Variants in ZCWPW1 observed in about 807,000 individuals in gnomAD.
ZCWPW1 encodes the protein zinc finger CW-type PWWP domain protein 1.
Under a neutral mutation model 81.3 loss-of-function variants are expected in ZCWPW1, and 56 were observed. The ratio of observed to expected loss-of-function variants is 0.69; its 90% CI spans 0.56 to 0.86. The LOEUF (loss-of-function observed/expected upper bound fraction) is 0.86. ZCWPW1 is among the 40% of genes least tolerant of loss of function. The pLI is 0.00. For missense variants in ZCWPW1, 650 were observed against 769.8 expected (o/e 0.84, Z 1.84); for synonymous variants, 250 against 273.7 (o/e 0.91, Z 0.86).
chr7:100,402,685 G>C (rs564632296), intron 15 of ZCWPW1, 109 bp from the exon 16 acceptor site: 14 of 1,076,870 alleles, frequency 1.3e-5, no homozygotes, highest in Non-Finnish European at 2.9e-6. Flanking sequence ...AATCAAAGTA[G>C]CTTCTGTGAG....
rs774508382 is a variant in ZCWPW1 at position 100,401,198 on chromosome 7, T to C, written c.1766A>G (p.Glu589Gly). Residue 589 changes from glutamate (E) to glycine (G), a missense_variant, in exon 18 of 18, where the codon GAG becomes GGG. Glu to Gly is a moderately conservative substitution (Grantham distance 98, BLOSUM62 -2). Transcript: ENST00000684423. ...KGACPSSAKE[E>G]PRHREPLTQE... is the part of the protein sequence containing the mutation. ...GGTCAGGGGTTCCCGGTGTCTGGGC[T>C]CTTCTTTCGCAGATGAGGGGCAGGC... The C allele has an allele frequency of 1.2e-6, 2 of 1,614,220 alleles. No homozygotes were observed. The highest frequency in any genetic ancestry group is 1.7e-6 in the Non-Finnish European group (2 of 1,180,022).
intron 6 of ZCWPW1, 90 bp downstream of exon 6, chr7:100,416,976 T>C (rs1795371521): frequency 2.1e-6 from 2 of 947,982 alleles, no homozygotes; most frequent in Middle Eastern, 5.9e-4. Context: ...ATATGATAAA[T>C]GACCAGATAG....
chr7:100,401,740 G>C, intron 17 of ZCWPW1, 149 bp downstream of exon 17: 1 of 1,037,012 alleles, frequency 9.6e-7, no homozygotes. Context: ...AGTGTGTGCT[G>C]GGTGCAGTCC....
At position 100,419,730 on chromosome 7, in the gene ZCWPW1, T is replaced by C; in HGVS notation, c.182A>G (p.Lys61Arg). The C allele has an allele frequency of 6.2e-7, 1 of 1,614,152 alleles. No homozygotes were observed. Among genetic ancestry groups the C allele is most frequent in the East Asian group, 2.2e-5 (1 of 44,874 alleles). ...CATGGTTGCTTTTTCCTCTTTCTTC[T>C]TTAAACTGGCCTTTGGCAGGCTTAT... ...ARISLPKASL[K>R]KKEEKATMKN... The change falls in exon 4 of 18, where the codon AAG becomes AGG. Residue 61 changes from lysine to arginine, a missense_variant. Coordinates refer to ENST00000684423, the MANE Select transcript of ZCWPW1 (RefSeq NM_001386010.1).
chr7:100,424,905 A>C (rs1797031967), intron 2 of ZCWPW1, 125 bp downstream of exon 2: 1 of 152,232 alleles, frequency 6.6e-6, no homozygotes, highest in Non-Finnish European at 1.5e-5. Context: ...CCAACTAGAT[A>C]GAATTGTGGT....
Position 100,407,267 on chromosome 7 carries a change from C to G in ZCWPW1, c.1029G>C (p.Gly343=), listed in dbSNP as rs1172476967. 3 of 1,613,832 alleles carry G rather than the reference C, an allele frequency of 1.9e-6. No individual in the cohort carries two copies. Among genetic ancestry groups the G allele is most frequent in the Non-Finnish European group, 2.5e-6 (3 of 1,179,938 alleles). The change falls in exon 11 of 18, where the codon GGG becomes GGC. Residue 343 remains glycine (G), a synonymous_variant. Coordinates refer to ENST00000684423, the MANE Select transcript of ZCWPW1 (RefSeq NM_001386010.1). ...GATGGGAAGTAAAAAGAAAATATTC[C>G]CCTAAGTCAGGATCAGATTCTATCA... ...PGMIESDPDL[G]EYFLFTSHLD...
At chr7:100,409,115 ATATATCC>A (rs1313358660) in intron 9 of ZCWPW1, among the ~76,000 whole-genome samples, 2 of 152,206 alleles carry the variant, frequency 1.3e-5, no homozygotes, top group Non-Finnish European at 2.9e-5. Context: ...GTTTTCCCCG[ATATATCC>A]TATATCCCTC....
At chr7:100,424,137 G>A (rs1278484480) in intron 2 of ZCWPW1, among the ~76,000 whole-genome samples, 5 of 150,266 alleles carry the variant, frequency 3.3e-5, no homozygotes, top group African/African-American at 1.2e-4. Flanking sequence ...GACCACAAAT[G>A]ACAAATATAT....
In ZCWPW1 at chr7:100,401,286, A is replaced by G. The variant is rs750791938; in HGVS notation, c.1678T>C (p.Phe560Leu). The change falls in exon 18 of 18, where the codon TTT becomes CTT. Residue 560 changes from phenylalanine to leucine, a missense_variant. Coordinates refer to ENST00000684423, the MANE Select transcript of ZCWPW1 (RefSeq NM_001386010.1). ...APQSKALAAS[F>L]SEGKEVRTVP... Reference sequence around the variant, plus strand: ...GTTCTAACTTCTTTTCCCTCTGAAAAGCTGGCTGCCAAGGCCTTGCTCTGG... The same window carrying G: ...GTTCTAACTTCTTTTCCCTCTGAAAGGCTGGCTGCCAAGGCCTTGCTCTGG... 3 of 1,600,856 alleles carry G rather than the reference A, an allele frequency of 1.9e-6. No homozygotes were observed. The highest frequency in any genetic ancestry group is 2.6e-6 in the Non-Finnish European group (3 of 1,172,614).
intron 14 of ZCWPW1, among the ~76,000 whole-genome samples, 155 bp from the exon 15 acceptor site, chr7:100,403,940 A>G (rs1792446763): frequency 2.0e-5 from 3 of 152,102 alleles, no homozygotes; most frequent in Admixed American, 2.0e-4. Context: ...CACCCTTTTC[A>G]AAGTCCATCA....
At position 100,419,740 on chromosome 7, in the gene ZCWPW1, C is replaced by G. The variant is rs200020996; in HGVS notation, c.172G>C (p.Ala58Pro). The change falls in exon 4 of 18, where the codon GCC becomes CCC. Residue 58 changes from alanine to proline, a missense_variant. Ala to Pro is a conservative substitution (Grantham distance 27). Transcript: ENST00000684423. ...TTTTCCTCTTTCTTCTTTAAACTGG[C>G]CTTTGGCAGGCTTATCCTGGCCTCT... Reference protein sequence around the residue: ...ETEARISLPKASLKKKEEKAT... With the variant: ...ETEARISLPKPSLKKKEEKAT... 6.2e-7 allele frequency: 1 copy of G among 1,614,090 alleles called. No individual in the cohort carries two copies. The highest frequency in any genetic ancestry group is 1.1e-5 in the South Asian group (1 of 91,084).
At position 100,402,588 on chromosome 7, in the gene ZCWPW1, A is replaced by C; in HGVS notation, c.1414-12T>G. 6.2e-7 allele frequency: 1 copy of C among 1,613,786 alleles called. No individual in the cohort carries two copies. The highest frequency in any genetic ancestry group is 2.2e-5 in the East Asian group (1 of 44,870). ...GGCAAAATTGGGTCCTGAGGATGGG[A>C]GAGAAAGTTTAAAAAAATGATAAAT... On this transcript the variant is annotated splice_polypyrimidine_tract_variant and intron_variant, in intron 15 of 17. Coordinates refer to ENST00000684423, the MANE Select transcript of ZCWPW1 (RefSeq NM_001386010.1).
Position 100,402,386 on chromosome 7 carries a change from T to C in ZCWPW1, c.1474+130A>G, listed in dbSNP as rs117682635. Reference sequence around the variant, plus strand: ...TTCCAGCTCCCCATGACACTATGGGTGAGTGTTGCCTGTTTTCTCAGGTCC... The same window carrying C: ...TTCCAGCTCCCCATGACACTATGGGCGAGTGTTGCCTGTTTTCTCAGGTCC... On this transcript the variant is annotated intron_variant, in intron 16 of 17. Coordinates refer to ENST00000684423, the MANE Select transcript of ZCWPW1 (RefSeq NM_001386010.1). 56 of 1,009,462 alleles carry C rather than the reference T, an allele frequency of 5.5e-5. No individual in the cohort carries two copies. The East Asian group carries it at 1.2e-3, about 22-fold the overall frequency. 62.5% of individuals were successfully genotyped at this position (1,009,462 alleles called of 1,614,324 possible).
chr7:100,424,850 C>G (rs1039176107), intron 2 of ZCWPW1, among the ~76,000 whole-genome samples, 180 bp downstream of exon 2: 1 of 152,238 alleles, frequency 6.6e-6, no homozygotes, highest in Admixed American at 6.5e-5. Flanking sequence ...CTTATCTAAA[C>G]CTGTAAAGAT....
intron 8 of ZCWPW1, among the ~76,000 whole-genome samples, chr7:100,413,021 G>A (rs1794530286): frequency 6.6e-6 from 1 of 152,054 alleles, no homozygotes; most frequent in Admixed American, 6.6e-5. Context: ...CCAAAGTGCT[G>A]GGATTACAGG....
chr7:100,401,984 A>ATCTTCCTCTGCAG lies in ZCWPW1; in HGVS notation c.1519_1531dup (p.Ile511ThrfsTer34). 1.2e-6 allele frequency: 2 copies of ATCTTCCTCTGCAG among 1,614,092 alleles called. No homozygotes were observed. Among genetic ancestry groups the ATCTTCCTCTGCAG allele is most frequent in the Non-Finnish European group, 1.7e-6 (2 of 1,180,014 alleles). ...TTTCCTGCCTAGAGATCTCTTCATTATCTTCCTCTGCAGTGTCCTGCCTCG... is the reference window on the plus strand; with the variant it reads ...TTTCCTGCCTAGAGATCTCTTCATTATCTTCCTCTGCAGTCTTCCTCTGCAGTGTCCTGCCTCG... On this transcript the variant is annotated frameshift_variant, in exon 17 of 18. Coordinates refer to ENST00000684423, the MANE Select transcript of ZCWPW1 (RefSeq NM_001386010.1). LOFTEE classifies it high-confidence loss of function.
intron 8 of ZCWPW1, 30 bp from the exon 9 acceptor site, chr7:100,409,574 C>T (rs1793770171): frequency 2.0e-6 from 3 of 1,499,268 alleles, no homozygotes; most frequent in Non-Finnish European, 2.8e-6. Flanking sequence ...AAATAAGAGA[C>T]TTAAAAATAT....
At chr7:100,423,864 T>C (rs1796793313) in intron 2 of ZCWPW1, among the ~76,000 whole-genome samples, 2 of 151,706 alleles carry the variant, frequency 1.3e-5, no homozygotes, top group Admixed American at 6.6e-5. Flanking sequence ...AGGTCAGGAG[T>C]TCGAGACCAG....
intron 12 of ZCWPW1, among the ~76,000 whole-genome samples, chr7:100,406,282 C>T (rs1380845869): frequency 6.6e-6 from 1 of 152,106 alleles, no homozygotes; most frequent in Non-Finnish European, 1.5e-5. Flanking sequence ...GGGGCTGCTG[C>T]TGGTTAGATG....
Sources: allele counts gnomAD v4.1 joint callset (sites outside exome capture counted in the v4.1 genomes callset), GRCh38; gene constraint gnomAD v4.1.1; transcripts MANE v1.5; gene names NCBI Gene and HGNC (gene_info 2026-07-23, HGNC 2026-07-21).